SMIM20: variants seen among roughly 807,000 people sequenced by gnomAD.
SMIM20 encodes mitochondrial translation regulation assembly intermediate of cytochrome c oxidase protein of 7 kDa.
SMIM20 carries 3 observed loss-of-function variants against 8.7 expected under a neutral mutation model. The observed-to-expected ratio is 0.34, with a 90% confidence interval of 0.16 to 0.89. The LOEUF (loss-of-function observed/expected upper bound fraction) is 0.89, where lower values mean the gene tolerates loss of function less well. SMIM20 is among the 40% of genes least tolerant of loss of function. The pLI is 0.49. For synonymous variants in SMIM20, 44 were observed against 33.6 expected, an observed-to-expected ratio of 1.31 and a Z score of -1.07; for missense variants, 85 against 84.8, an observed-to-expected ratio of 1.00 and a Z score of -0.01.
chr4:25,925,036 C>T (rs1719263265), intron 1 of SMIM20, among the ~76,000 whole-genome samples: 8 of 152,090 alleles, frequency 5.3e-5, no homozygotes. Context: ...AATGTTTAGA[C>T]TTGGATCCCA....
chr4:25,921,803 G>A lies in SMIM20; in HGVS notation c.110-6510G>A, dbSNP rs540661369. Among the ~76,000 whole-genome samples the A allele has an allele frequency of 1.2e-4, 19 of 152,240 alleles. No individual in the cohort carries two copies. In the South Asian group the frequency reaches 3.3e-3, roughly 27 times the overall value. ...GAACACCAGTGTCAGAAGGGCTGAA[G>A]CATAGGGGGTCAGAGGAAGAGAAAG... On this transcript the variant is annotated intron_variant, in intron 1 of 2. Transcript: ENST00000506197.
chr4:25,928,719 T>C (rs1477870757), intron 2 of SMIM20, among the ~76,000 whole-genome samples: 1 of 152,190 alleles, frequency 6.6e-6, no homozygotes, highest in Non-Finnish European at 1.5e-5. Context: ...CATGGGAAAA[T>C]AGTGTTTACT....
intron 1 of SMIM20, among the ~76,000 whole-genome samples, chr4:25,921,643 G>A (rs959008690): frequency 1.3e-5 from 2 of 152,216 alleles, no homozygotes; most frequent in Non-Finnish European, 2.9e-5. Flanking sequence ...GGGCTGAGAC[G>A]CCGGATGTGA....
chr4:25,914,524 T>C, intron 1 of SMIM20, 102 bp downstream of exon 1: 1 of 1,188,004 alleles, frequency 8.4e-7, no homozygotes, highest in South Asian at 2.2e-5. Context: ...GGCTCGAGGG[T>C]TAGGGAGAGC....
At chr4:25,917,079 G>A (rs1486483320) in intron 1 of SMIM20, among the ~76,000 whole-genome samples, 1 of 152,096 alleles carries the variant, frequency 6.6e-6, no homozygotes, top group Non-Finnish European at 1.5e-5. Flanking sequence ...ACTGAGGTGT[G>A]AAACAGTTAA....
intron 1 of SMIM20, 108 bp from the exon 2 acceptor site, chr4:25,928,205 C>T (rs1711558902): frequency 3.6e-6 from 4 of 1,116,370 alleles, no homozygotes; most frequent in Non-Finnish European, 5.1e-6. Flanking sequence ...TAACAGCACT[C>T]ATAAATACTG....
At chr4:25,915,868 G>T (rs984169724) in intron 1 of SMIM20, among the ~76,000 whole-genome samples, 3 of 123,412 alleles carry the variant, frequency 2.4e-5, no homozygotes, top group Non-Finnish European at 3.5e-5. Flanking sequence ...GCGGGGGGGG[G>T]GTCGAGTGTT....
Position 25,929,592 on chromosome 4 carries a change from A to G in SMIM20, c.*401A>G, listed in dbSNP as rs1399709274. 6.1e-6 allele frequency: 1 copy of G among 164,116 alleles called. No individual in the cohort carries two copies. Among genetic ancestry groups the G allele is most frequent in the Non-Finnish European group, 1.3e-5 (1 of 76,300 alleles). 10.2% of individuals were successfully genotyped at this position (164,116 alleles called of 1,614,324 possible). On this transcript the variant is annotated 3_prime_UTR_variant, in exon 3 of 3. Transcript: ENST00000506197. ...TGCCATCTTCCAGATAAGAGATTTCAGTAAAAAACTGCCATGCTGAGCTGC... is the reference window on the plus strand; with the variant it reads ...TGCCATCTTCCAGATAAGAGATTTCGGTAAAAAACTGCCATGCTGAGCTGC...
intron 1 of SMIM20, among the ~76,000 whole-genome samples, chr4:25,917,338 G>A (rs1719107229): frequency 6.6e-6 from 1 of 152,022 alleles, no homozygotes; most frequent in South Asian, 2.1e-4. Flanking sequence ...GGTTTGGGGT[G>A]AATTAAATGG....
chr4:25,923,790 T>C (rs1719241252), intron 1 of SMIM20, among the ~76,000 whole-genome samples: 1 of 152,236 alleles, frequency 6.6e-6, no homozygotes, highest in Non-Finnish European at 1.5e-5. Flanking sequence ...ACATGCCAGG[T>C]GCTTAGAATA....
chr4:25,924,785 C>T (rs574770077), intron 1 of SMIM20, among the ~76,000 whole-genome samples: 2 of 152,138 alleles, frequency 1.3e-5, no homozygotes, highest in African/African-American at 4.8e-5. Context: ...AATCACAATG[C>T]GGTTTTCCAA....
chr4:25,924,129 C>T (rs1294466846), intron 1 of SMIM20, among the ~76,000 whole-genome samples: 3 of 152,202 alleles, frequency 2.0e-5, no homozygotes, highest in Admixed American at 1.3e-4. Flanking sequence ...TTCACACTCA[C>T]CACCAGTGAA....
intron 1 of SMIM20, among the ~76,000 whole-genome samples, chr4:25,920,998 G>A (rs1322067601): frequency 3.9e-5 from 6 of 152,306 alleles, no homozygotes; most frequent in African/African-American, 9.6e-5. Context: ...ACCTAAGGAC[G>A]CATTTCTCAG....
intron 1 of SMIM20, among the ~76,000 whole-genome samples, chr4:25,928,032 T>C (rs1366099731): frequency 6.6e-6 from 1 of 152,258 alleles, no homozygotes; most frequent in African/African-American, 2.4e-5. Context: ...TGTTGTTTTC[T>C]TGTCTTTCCA....
rs1157265318 is a variant in SMIM20 at position 25,929,261 on chromosome 4, C to CA, written c.*71dup. 6 of 1,487,078 alleles carry CA rather than the reference C, an allele frequency of 4.0e-6. No individual in the cohort carries two copies. The African/African-American group carries it at 8.4e-5, about 21-fold the overall frequency. The allele number at this position is 1,487,078 out of a possible 1,614,324, so 92.1% of individuals were successfully genotyped here. On this transcript the variant is annotated 3_prime_UTR_variant, in exon 3 of 3. Coordinates refer to ENST00000506197, the MANE Select transcript of SMIM20 (RefSeq NM_001145432.3). ...CTTTCGATTCTGCATGGGGTACAGCCAGTCACCTCACCAGAGAATGACGGC... is the reference window on the plus strand; with the variant it reads ...CTTTCGATTCTGCATGGGGTACAGCCAAGTCACCTCACCAGAGAATGACGGC...
chr4:25,921,425 G>A (rs1049760451), intron 1 of SMIM20, among the ~76,000 whole-genome samples: 3 of 152,202 alleles, frequency 2.0e-5, no homozygotes, highest in African/African-American at 7.2e-5. Flanking sequence ...TAGCCACGGG[G>A]CAAAGAAGGA....
chr4:25,918,124 A>T (rs1719128188), intron 1 of SMIM20, among the ~76,000 whole-genome samples: 1 of 151,580 alleles, frequency 6.6e-6, no homozygotes, highest in African/African-American at 2.4e-5. Flanking sequence ...TTGTATTATC[A>T]GTAGAGACGG....
intron 1 of SMIM20, among the ~76,000 whole-genome samples, chr4:25,918,531 T>G (rs964465523): frequency 6.6e-6 from 1 of 152,060 alleles, no homozygotes; most frequent in Admixed American, 6.6e-5. Context: ...GAGATGGAGT[T>G]TCGCTGTTGA....
intron 2 of SMIM20, 75 bp from the exon 3 acceptor site, chr4:25,929,079 T>G: frequency 2.6e-6 from 4 of 1,512,234 alleles, no homozygotes; most frequent in Non-Finnish European, 3.6e-6. Flanking sequence ...GATGTCATTT[T>G]GTTTGTTTGG....
Sources: gnomAD v4.1 joint callset for allele counts (sites outside exome capture counted in the v4.1 genomes callset) on GRCh38, gnomAD v4.1.1 for gene constraint, MANE v1.5 for transcripts, NCBI Gene and HGNC (gene_info 2026-07-23, HGNC 2026-07-21) for gene names.